Variants in SLC2A13 observed in about 807,000 individuals in gnomAD.
The protein encoded by SLC2A13 is solute carrier family 2 member 13.
Under a neutral mutation model 64.4 loss-of-function variants are expected in SLC2A13, and 32 were observed. The ratio of observed to expected loss-of-function variants is 0.50; its 90% CI spans 0.37 to 0.67. The LOEUF is 0.67. Ranked by LOEUF, SLC2A13 falls within the 30% of genes least tolerant of loss-of-function variation. The pLI is 0.00. For synonymous variants in SLC2A13, 338 were observed against 327.1 expected (o/e 1.03, Z -0.36); for missense variants, 743 against 829.2 (o/e 0.90, Z 1.28).
intron 4 of SLC2A13, among the ~76,000 whole-genome samples, chr12:39,910,276 A>G (rs1945399423): frequency 6.6e-6 from 1 of 152,140 alleles, no homozygotes; most frequent in South Asian, 2.1e-4. Flanking sequence ...TATCTTTATA[A>G]CTTAACCATT....
intron 4 of SLC2A13, among the ~76,000 whole-genome samples, chr12:39,885,833 C>G (rs1944452224): frequency 6.6e-6 from 1 of 152,144 alleles, no homozygotes. Context: ...TCCTCTTTGT[C>G]CAGCTCCAGC....
At chr12:40,057,681 C>G (rs1948352673) in intron 1 of SLC2A13, among the ~76,000 whole-genome samples, 1 of 152,128 alleles carries the variant, frequency 6.6e-6, no homozygotes, top group African/African-American at 2.4e-5. Flanking sequence ...ATATCAACTT[C>G]AAAGCATTAA....
chr12:39,996,590 C>T (rs898050222), intron 3 of SLC2A13, among the ~76,000 whole-genome samples: 1 of 152,170 alleles, frequency 6.6e-6, no homozygotes, highest in Non-Finnish European at 1.5e-5. Flanking sequence ...GTGGGCTGGG[C>T]CCCCCGCCCC....
intron 7 of SLC2A13, among the ~76,000 whole-genome samples, chr12:39,772,321 G>C (rs1161169368): frequency 6.6e-6 from 1 of 151,970 alleles, no homozygotes; most frequent in Non-Finnish European, 1.5e-5. Context: ...GTCCATATAG[G>C]GTTGTTACAA....
intron 1 of SLC2A13, among the ~76,000 whole-genome samples, chr12:40,089,606 C>G (rs1938695245): frequency 6.6e-6 from 1 of 152,176 alleles, no homozygotes; most frequent in Non-Finnish European, 1.5e-5. Flanking sequence ...CACCCTGCAC[C>G]TTACACTGAC....
intron 1 of SLC2A13, among the ~76,000 whole-genome samples, chr12:40,078,517 T>C (rs1938268853): frequency 6.6e-6 from 1 of 152,230 alleles, no homozygotes; most frequent in African/African-American, 2.4e-5. Context: ...AGCTTTTCGA[T>C]GTGCTGCTGG....
chr12:39,913,194 G>A (rs1253935975), intron 4 of SLC2A13, among the ~76,000 whole-genome samples: 3 of 152,056 alleles, frequency 2.0e-5, no homozygotes, highest in African/African-American at 7.3e-5. Context: ...TAGTAGAGGA[G>A]TGAGTTGAAA....
intron 3 of SLC2A13, among the ~76,000 whole-genome samples, chr12:39,995,497 T>C (rs907878825): frequency 6.6e-6 from 1 of 152,172 alleles, no homozygotes; most frequent in South Asian, 2.1e-4. Flanking sequence ...TGAGAACATG[T>C]GCATGTCACT....
At chr12:40,042,176 C>T (rs571708953) in intron 2 of SLC2A13, among the ~76,000 whole-genome samples, 5 of 152,186 alleles carry the variant, frequency 3.3e-5, no homozygotes, top group African/African-American at 1.2e-4. Flanking sequence ...AAATGACTAG[C>T]ACAACCAGAC....
At chr12:39,993,011 A>G (rs1947165488) in intron 3 of SLC2A13, among the ~76,000 whole-genome samples, 1 of 152,208 alleles carries the variant, frequency 6.6e-6, no homozygotes, top group African/African-American at 2.4e-5. Flanking sequence ...AGTTACATAT[A>G]CATACATATA....
chr12:40,081,952 G>T (rs1165381795), intron 1 of SLC2A13, among the ~76,000 whole-genome samples: 7 of 152,186 alleles, frequency 4.6e-5, no homozygotes, highest in African/African-American at 1.7e-4. Context: ...GGGGGCCAAG[G>T]CTCAGCTTAG....
At chr12:39,858,084 C>T (rs1279125408) in intron 6 of SLC2A13, among the ~76,000 whole-genome samples, 1 of 152,140 alleles carries the variant, frequency 6.6e-6, no homozygotes, top group African/African-American at 2.4e-5. Flanking sequence ...AAGAATATGT[C>T]CCATAAATGG....
chr12:39,898,152 G>A (rs918726300), intron 4 of SLC2A13, among the ~76,000 whole-genome samples: 1 of 152,070 alleles, frequency 6.6e-6, no homozygotes, highest in Non-Finnish European at 1.5e-5. Context: ...CTTTCCATTT[G>A]TAGAAGTATT....
intron 4 of SLC2A13, 76 bp downstream of exon 4, chr12:39,951,181 G>T: frequency 1.6e-6 from 2 of 1,273,438 alleles, no homozygotes; most frequent in Non-Finnish European, 2.3e-6. Context: ...GTATTTACAT[G>T]AAATACTTTT....
chr12:40,020,293 G>A (rs140136989), intron 3 of SLC2A13, among the ~76,000 whole-genome samples: 10 of 152,262 alleles, frequency 6.6e-5, no homozygotes, highest in Non-Finnish European at 1.3e-4. Flanking sequence ...TCAAGGAAGG[G>A]ACCTGGTGAG....
At chr12:39,949,183 C>T (rs185190231) in intron 4 of SLC2A13, among the ~76,000 whole-genome samples, 19 of 152,254 alleles carry the variant, frequency 1.2e-4, no homozygotes, top group African/African-American at 3.8e-4. Context: ...GAATAAACAA[C>T]AGTTACTCAG....
intron 5 of SLC2A13, among the ~76,000 whole-genome samples, chr12:39,868,298 C>T (rs960057563): frequency 6.6e-6 from 1 of 152,098 alleles, no homozygotes; most frequent in African/African-American, 2.4e-5. Flanking sequence ...AAAATATTCT[C>T]CACAGGAAGT....
chr12:39,916,906 T>C (rs1202766121), intron 4 of SLC2A13, among the ~76,000 whole-genome samples: 1 of 152,004 alleles, frequency 6.6e-6, no homozygotes, highest in African/African-American at 2.4e-5. Context: ...CCCAAACATA[T>C]ACGGTGGGGA....
At chr12:40,059,860 T>A (rs762602809) in intron 1 of SLC2A13, among the ~76,000 whole-genome samples, 1 of 152,114 alleles carries the variant, frequency 6.6e-6, no homozygotes, top group Non-Finnish European at 1.5e-5. Flanking sequence ...ATAGGGAGGA[T>A]GCTCTCTGGA....
Sources: allele counts gnomAD v4.1 joint callset (sites outside exome capture counted in the v4.1 genomes callset), GRCh38; gene constraint gnomAD v4.1.1; transcripts MANE v1.5; gene names NCBI Gene and HGNC (gene_info 2026-07-23, HGNC 2026-07-21).